The following CEP170 variants were observed in gnomAD, a reference collection of about 807,000 sequenced individuals.
The protein encoded by CEP170 is centrosomal protein of 170 kDa.
A neutral mutation model predicts 151.9 loss-of-function variants in CEP170; 21 were observed. The ratio of observed to expected loss-of-function variants is 0.14; its 90% CI spans 0.10 to 0.20. CEP170 has a LOEUF of 0.20. CEP170 is among the 10% of genes least tolerant of loss of function. The pLI is 1.00. For synonymous variants in CEP170, 356 were observed against 648.8 expected (o/e 0.55, Z 6.86); for missense variants, 964 against 1,892.9 (o/e 0.51, Z 9.11).
chr1:243,157,904 T>C (rs558366787), intron 13 of CEP170, among the ~76,000 whole-genome samples: 6 of 152,332 alleles, frequency 3.9e-5, no homozygotes, highest in Admixed American at 1.3e-4. Flanking sequence ...TTCATAGGTA[T>C]GACAGAATGA....
chr1:243,159,763 T>TTGTGTGTG (rs565534328), intron 13 of CEP170, among the ~76,000 whole-genome samples: 1,960 of 127,114 alleles, frequency 0.015, 28 homozygotes, highest in African/African-American at 0.035. Context: ...GTTTCCGGTT[T>TTGTGTGTG]TGTGTGTGTG....
intron 1 of CEP170, among the ~76,000 whole-genome samples, chr1:243,242,703 CT>C (rs889952581): frequency 1.7e-4 from 25 of 146,866 alleles, no homozygotes; most frequent in East Asian, 4.0e-4. Context: ...ATTTTGAATC[CT>C]TTTTTTTTTT....
chr1:243,233,101 T>C (rs1316270645), intron 1 of CEP170, among the ~76,000 whole-genome samples: 1 of 151,992 alleles, frequency 6.6e-6, no homozygotes, highest in Non-Finnish European at 1.5e-5. Context: ...CTCTTTCTTA[T>C]TCTTTATCTT....
intron 10 of CEP170, among the ~76,000 whole-genome samples, chr1:243,182,967 A>T (rs181263016): frequency 0.033 from 4,849 of 148,912 alleles, 263 homozygotes; most frequent in African/African-American, 0.11. Flanking sequence ...GATGACAGTG[A>T]CTACTTTTTT....
chr1:243,225,729 A>G (rs914492353), intron 1 of CEP170, among the ~76,000 whole-genome samples: 3 of 152,196 alleles, frequency 2.0e-5, no homozygotes, highest in African/African-American at 7.2e-5. Flanking sequence ...AGAAAGACAC[A>G]ATGAATTCAG....
At chr1:243,195,484 G>C (rs551542323) in intron 7 of CEP170, among the ~76,000 whole-genome samples, 1 of 151,738 alleles carries the variant, frequency 6.6e-6, no homozygotes, top group African/African-American at 2.4e-5. Flanking sequence ...GCAAGTCTTC[G>C]GGAGTTTCTG....
At chr1:243,246,226 C>CTTTTTTTT (rs774096892) in intron 1 of CEP170, among the ~76,000 whole-genome samples, 7 of 109,452 alleles carry the variant, frequency 6.4e-5, no homozygotes, top group African/African-American at 1.5e-4. Context: ...GTGTTGTTTA[C>CTTTTTTTT]TTTTTTTTTT....
At chr1:243,153,615 T>A (rs1412917442) in intron 14 of CEP170, among the ~76,000 whole-genome samples, 1 of 152,214 alleles carries the variant, frequency 6.6e-6, no homozygotes, top group Non-Finnish European at 1.5e-5. Context: ...GCTCAGATGA[T>A]CACTACTGTT....
chr1:243,188,315 T>C lies in CEP170; in HGVS notation c.1109-1893A>G, dbSNP rs2060063773. On this transcript the variant is annotated intron_variant, in intron 8 of 19. Coordinates refer to ENST00000366542, the MANE Select transcript of CEP170 (RefSeq NM_014812.3). ...ACAGAATTTAATTGATTCCAATAGA[T>C]AAAATTTGGCACTTAGTGGTGTCAG... Among the ~76,000 whole-genome samples the C allele has an allele frequency of 3.3e-5, 5 of 152,292 alleles. No homozygotes were observed. The South Asian group carries it at 1.0e-3, about 32-fold the overall frequency.
chr1:243,200,114 T>C (rs1306790075), intron 6 of CEP170, among the ~76,000 whole-genome samples: 1 of 151,812 alleles, frequency 6.6e-6, no homozygotes, highest in African/African-American at 2.4e-5. Flanking sequence ...GGTGTATGCA[T>C]TGTATTAGGT....
intron 16 of CEP170, among the ~76,000 whole-genome samples, chr1:243,137,633 G>T (rs1206312119): frequency 6.6e-6 from 1 of 152,064 alleles, no homozygotes; most frequent in African/African-American, 2.4e-5. Context: ...AAATTAGCGG[G>T]GCGTGCTGGT....
intron 1 of CEP170, among the ~76,000 whole-genome samples, chr1:243,226,049 A>ATATATCTATATATATATATATC (rs1558645311): frequency 1.0e-4 from 1 of 9,826 alleles, no homozygotes; most frequent in African/African-American, 1.3e-4. Context: ...CTCTAGATAT[A>ATATATCTATATATATATATATC]TATATCTAGA....
intron 8 of CEP170, among the ~76,000 whole-genome samples, chr1:243,190,500 A>G (rs1433771365): frequency 6.6e-6 from 1 of 152,174 alleles, no homozygotes; most frequent in Non-Finnish European, 1.5e-5. Flanking sequence ...GATCCTACCA[A>G]ATATTTCTAA....
In CEP170 at chr1:243,209,829, A is replaced by G. The variant is rs369020893; in HGVS notation, c.274+2057T>C. ...GGTAGGAGCCTCCTGAGTTGCTGGG[A>G]GTACAGGCGCCCGCCACCATGCCTG... On this transcript the variant is annotated intron_variant, in intron 4 of 19. Coordinates refer to ENST00000366542, the MANE Select transcript of CEP170 (RefSeq NM_014812.3). Among the ~76,000 whole-genome samples, 58 of 151,892 alleles carry G rather than the reference A, an allele frequency of 3.8e-4. No individual in the cohort carries two copies. The East Asian group carries it at 5.1e-3, about 13-fold the overall frequency.
intron 1 of CEP170, among the ~76,000 whole-genome samples, chr1:243,248,641 C>T (rs902493117): frequency 3.3e-5 from 5 of 152,202 alleles, no homozygotes; most frequent in Admixed American, 2.0e-4. Flanking sequence ...CCACTACTGT[C>T]GCTCTAGTCT....
rs1199600027 is a variant in CEP170, at chr1:243,246,311, A to C, written c.-42+8729T>G. On this transcript the variant is annotated intron_variant, in intron 1 of 19. Coordinates refer to ENST00000366542, the MANE Select transcript of CEP170 (RefSeq NM_014812.3). ...CAGTGGAGCAATCTCAGCTCACTACAACATCTGCCTCCTGGATTAAAGCGA... is the reference window on the plus strand; with the variant it reads ...CAGTGGAGCAATCTCAGCTCACTACCACATCTGCCTCCTGGATTAAAGCGA... Among the ~76,000 whole-genome samples, 7 of 148,654 alleles carry C rather than the reference A, an allele frequency of 4.7e-5. No individual in the cohort carries two copies. The Admixed American group carries it at 4.7e-4, about 10-fold the overall frequency.
At chr1:243,151,315 T>C (rs2057051922) in intron 14 of CEP170, among the ~76,000 whole-genome samples, 1 of 150,536 alleles carries the variant, frequency 6.6e-6, no homozygotes, top group African/African-American at 2.5e-5. Context: ...TTTTAAATTC[T>C]GTCTTACTAT....
chr1:243,150,376 C>T (rs1425851692), intron 14 of CEP170, among the ~76,000 whole-genome samples: 1 of 152,194 alleles, frequency 6.6e-6, no homozygotes, highest in East Asian at 1.9e-4. Flanking sequence ...GTCTCCAACT[C>T]CTGACCTCAG....
chr1:243,203,309 G>T (rs886437180), intron 4 of CEP170, among the ~76,000 whole-genome samples: 24 of 152,228 alleles, frequency 1.6e-4, no homozygotes, highest in African/African-American at 5.8e-4. Context: ...AATTTGACAG[G>T]TTATTTCTCC....
Sources: gnomAD v4.1 joint callset for allele counts (sites outside exome capture counted in the v4.1 genomes callset) on GRCh38, gnomAD v4.1.1 for gene constraint, MANE v1.5 for transcripts, NCBI Gene and HGNC (gene_info 2026-07-23, HGNC 2026-07-21) for gene names.